Variants in MAGI2 observed in about 807,000 individuals in gnomAD.
MAGI2 encodes the protein membrane-associated guanylate kinase, WW and PDZ domain-containing protein 2.
Under a neutral mutation model 133.3 loss-of-function variants are expected in MAGI2, and 35 were observed. The observed-to-expected ratio is 0.26, with a 90% confidence interval of 0.20 to 0.35. The LOEUF (loss-of-function observed/expected upper bound fraction) is 0.35, where lower values mean the gene tolerates loss of function less well. Ranked by LOEUF, MAGI2 falls within the 10% of genes least tolerant of loss-of-function variation. MAGI2 has a pLI of 1.00. For missense variants in MAGI2, 1,636 were observed against 1,863.4 expected (o/e 0.88, Z 2.25); for synonymous variants, 729 against 710.6 (o/e 1.03, Z -0.41).
At chr7:79,325,650 A>G (rs1211559489) in intron 1 of MAGI2, among the ~76,000 whole-genome samples, 4 of 152,196 alleles carry the variant, frequency 2.6e-5, no homozygotes, top group Non-Finnish European at 5.9e-5. Flanking sequence ...AGATGCACCA[A>G]ACATTGTGAG....
At chr7:78,670,996 C>T (rs957502182) in intron 2 of MAGI2, among the ~76,000 whole-genome samples, 15 of 152,142 alleles carry the variant, frequency 9.9e-5, no homozygotes, top group Non-Finnish European at 1.5e-5. Context: ...ATGATACCAG[C>T]ACTTTCTAAT....
chr7:79,105,796 C>A (rs1274508604), intron 1 of MAGI2, among the ~76,000 whole-genome samples: 1 of 151,604 alleles, frequency 6.6e-6, no homozygotes, highest in Non-Finnish European at 1.5e-5. Flanking sequence ...ATCTCTAAGT[C>A]TAGTTCTTAT....
At chr7:78,835,391 G>C (rs1791527230) in intron 2 of MAGI2, among the ~76,000 whole-genome samples, 1 of 152,174 alleles carries the variant, frequency 6.6e-6, no homozygotes, top group African/African-American at 2.4e-5. Context: ...TGTAATATGT[G>C]AATATGATTT....
At chr7:78,514,766 A>G (rs920460044) in intron 4 of MAGI2, among the ~76,000 whole-genome samples, 3 of 152,238 alleles carry the variant, frequency 2.0e-5, no homozygotes, top group African/African-American at 4.8e-5. Context: ...GTGCATGCAC[A>G]GTCAGCGTGC....
chr7:79,377,007 A>T (rs947699558), intron 1 of MAGI2, among the ~76,000 whole-genome samples: 1 of 151,870 alleles, frequency 6.6e-6, no homozygotes, highest in African/African-American at 2.4e-5. Flanking sequence ...GAGAAAAATT[A>T]TAAAAAGTAA....
intron 10 of MAGI2, among the ~76,000 whole-genome samples, chr7:78,223,677 C>CTCCCTATTTAT (rs1237750674): frequency 1.2e-4 from 19 of 152,148 alleles, no homozygotes; most frequent in African/African-American, 4.3e-4. Context: ...AAACCATTTA[C>CTCCCTATTTAT]TGTAATGCCA....
At chr7:78,809,379 C>T (rs1178331420) in intron 2 of MAGI2, among the ~76,000 whole-genome samples, 3 of 152,170 alleles carry the variant, frequency 2.0e-5, no homozygotes, top group African/African-American at 7.2e-5. Flanking sequence ...CACCCAGGAG[C>T]CTAGCATTAT....
chr7:78,872,576 C>T (rs1382384782), intron 2 of MAGI2, among the ~76,000 whole-genome samples: 1 of 143,438 alleles, frequency 7.0e-6, no homozygotes, highest in Non-Finnish European at 1.6e-5. Flanking sequence ...AGTGATAGTC[C>T]CGTTTATATC....
intron 1 of MAGI2, among the ~76,000 whole-genome samples, chr7:79,367,858 C>CATATATATATATATATCTATATATATAT (rs1842806869): frequency 1.1e-5 from 1 of 87,114 alleles, no homozygotes; most frequent in African/African-American, 4.6e-5. Flanking sequence ...ATATATGTGA[C>CATATATATATATATATCTATATATATAT]ATATATATAT....
intron 1 of MAGI2, among the ~76,000 whole-genome samples, chr7:79,215,863 C>T (rs1045629923): frequency 2.0e-5 from 3 of 151,838 alleles, no homozygotes; most frequent in African/African-American, 7.3e-5. Flanking sequence ...TTGATGGAGA[C>T]TTGTCTCAGT....
intron 20 of MAGI2, among the ~76,000 whole-genome samples, chr7:78,112,847 C>T (rs1004430351): frequency 7.2e-5 from 11 of 152,174 alleles, no homozygotes; most frequent in South Asian, 2.1e-4. Flanking sequence ...ATTATCACTG[C>T]GACAAATGCT....
intron 2 of MAGI2, among the ~76,000 whole-genome samples, chr7:78,909,612 A>C (rs2151611323): frequency 6.6e-6 from 1 of 150,574 alleles, no homozygotes; most frequent in East Asian, 1.9e-4. Flanking sequence ...CAAAAAAAAA[A>C]AAAAAAAAAA....
At chr7:79,419,697 AC>A (rs532670640) in intron 1 of MAGI2, among the ~76,000 whole-genome samples, 2 of 152,122 alleles carry the variant, frequency 1.3e-5, no homozygotes, top group East Asian at 3.9e-4. Flanking sequence ...CCAACATATT[AC>A]CCTATTCCCA....
chr7:78,984,285 C>T (rs910694832), intron 2 of MAGI2, among the ~76,000 whole-genome samples: 20 of 152,076 alleles, frequency 1.3e-4, no homozygotes, highest in African/African-American at 3.9e-4. Context: ...GTTCAGCATT[C>T]TCCATACACA....
intron 18 of MAGI2, among the ~76,000 whole-genome samples, chr7:78,130,557 G>A (rs140947726): frequency 2.6e-4 from 39 of 152,298 alleles, no homozygotes; most frequent in African/African-American, 9.4e-4. Flanking sequence ...TGGGAAAAAT[G>A]TTTCTGGTAC....
At chr7:79,310,100 G>T (rs1172760861) in intron 1 of MAGI2, among the ~76,000 whole-genome samples, 1 of 134,858 alleles carries the variant, frequency 7.4e-6, no homozygotes, top group Non-Finnish European at 1.6e-5. Flanking sequence ...AGAGGTGGAG[G>T]TTGCAACAAG....
intron 2 of MAGI2, among the ~76,000 whole-genome samples, chr7:78,636,574 G>A (rs1052638831): frequency 2.0e-5 from 3 of 152,136 alleles, no homozygotes; most frequent in South Asian, 2.1e-4. Flanking sequence ...CGAGGTGGGC[G>A]GATCGAGAGG....
At chr7:78,673,991 T>C (rs1212401495) in intron 2 of MAGI2, among the ~76,000 whole-genome samples, 1 of 152,144 alleles carries the variant, frequency 6.6e-6, no homozygotes, top group Admixed American at 6.6e-5. Flanking sequence ...CAACTATAAA[T>C]CAAACACAAA....
chr7:78,886,738 C>A (rs188900953), intron 2 of MAGI2, among the ~76,000 whole-genome samples: 1 of 152,306 alleles, frequency 6.6e-6, no homozygotes, highest in African/African-American at 2.4e-5. Context: ...CTGACTTCCA[C>A]TTTCTCATCT....
Sources: gnomAD v4.1 joint callset for allele counts (sites outside exome capture counted in the v4.1 genomes callset) on GRCh38, gnomAD v4.1.1 for gene constraint, MANE v1.5 for transcripts, NCBI Gene and HGNC (gene_info 2026-07-23, HGNC 2026-07-21) for gene names.